GUCY1A2: variants seen among roughly 807,000 people sequenced by gnomAD.
The protein encoded by GUCY1A2 is guanylate cyclase soluble subunit alpha-2.
In GUCY1A2, 27 loss-of-function variants were observed where a neutral mutation model predicts 63.5. The ratio of observed to expected loss-of-function variants is 0.43; its 90% CI spans 0.31 to 0.59. The LOEUF is 0.59. GUCY1A2 is among the 20% of genes least tolerant of loss of function. The pLI is 0.11. For missense variants in GUCY1A2, 768 were observed against 913.3 expected, an observed-to-expected ratio of 0.84 and a Z score of 2.05; for synonymous variants, 364 against 343.5, an observed-to-expected ratio of 1.06 and a Z score of -0.66.
chr11:107,017,783 G>T lies in GUCY1A2; in HGVS notation c.273C>A (p.Gly91=). Residue 91 remains glycine (G), a synonymous_variant, in exon 1 of 8, where the codon GGC becomes GGA. Transcript: ENST00000526355. ...GCGCCGTCAGGCGGCTGATGCTCTC[G>T]CCCAGCGAGTCCAGGTTGACCCGCC... ...RRRRVNLDSL[G]ESISRLTAPS... 2 of 1,429,540 alleles carry T rather than the reference G, an allele frequency of 1.4e-6. No homozygotes were observed. The highest frequency in any genetic ancestry group is 2.8e-5 in the East Asian group (1 of 35,694). The allele number at this position is 1,429,540 out of a possible 1,614,324, so 88.6% of individuals were successfully genotyped here.
At chr11:106,758,106 C>T (rs1313515714) in intron 6 of GUCY1A2, among the ~76,000 whole-genome samples, 1 of 152,160 alleles carries the variant, frequency 6.6e-6, no homozygotes, top group Non-Finnish European at 1.5e-5. Context: ...TGGGCTCCAC[C>T]CAGTTCGAGC....
Position 106,678,617 on chromosome 11 carries a change from CAG to C in GUCY1A2, c.*8930_*8931del, listed in dbSNP as rs1030460748. 9.0e-5 allele frequency: 19 copies of C among 210,468 alleles called. No homozygotes were observed. The highest frequency in any genetic ancestry group is 3.2e-4 in the African/African-American group (14 of 44,076). The allele number at this position is 210,468 out of a possible 1,614,324, so 13.0% of individuals were successfully genotyped here. On this transcript the variant is annotated 3_prime_UTR_variant, in exon 8 of 8. Transcript: ENST00000526355. ...TGGAAATGCATAGTTTCTTACTAGT[CAG>C]AGAGTCAGAGGTGATGTAACAATAT...
chr11:106,858,659 G>A (rs1859469317), intron 4 of GUCY1A2, among the ~76,000 whole-genome samples: 1 of 152,026 alleles, frequency 6.6e-6, no homozygotes, highest in African/African-American at 2.4e-5. Flanking sequence ...TGACTTATAA[G>A]GCAGATAAAA....
intron 6 of GUCY1A2, among the ~76,000 whole-genome samples, chr11:106,773,958 C>T (rs1565285349): frequency 6.6e-6 from 1 of 152,000 alleles, no homozygotes; most frequent in African/African-American, 2.4e-5. Context: ...TTTCTAATGA[C>T]AAATTTATAG....
chr11:106,743,628 TA>T (rs1211594823), intron 6 of GUCY1A2, among the ~76,000 whole-genome samples: 5 of 152,214 alleles, frequency 3.3e-5, no homozygotes, highest in Admixed American at 6.5e-5. Flanking sequence ...TTACCTTTCA[TA>T]TGCTATCCAT....
intron 4 of GUCY1A2, among the ~76,000 whole-genome samples, chr11:106,934,019 A>G (rs1219161187): frequency 6.6e-6 from 1 of 152,210 alleles, no homozygotes; most frequent in Admixed American, 6.5e-5. Flanking sequence ...TGAGGGGATC[A>G]GTCAAAGCCC....
At chr11:106,821,620 C>CT (rs1157825973) in intron 4 of GUCY1A2, among the ~76,000 whole-genome samples, 4 of 152,074 alleles carry the variant, frequency 2.6e-5, no homozygotes, top group Admixed American at 2.6e-4. Flanking sequence ...AAATTCTACA[C>CT]TTTTTTCAAG....
chr11:106,860,986 G>T (rs904486834), intron 4 of GUCY1A2, among the ~76,000 whole-genome samples: 1 of 151,992 alleles, frequency 6.6e-6, no homozygotes, highest in African/African-American at 2.4e-5. Flanking sequence ...AGAAGGAGGA[G>T]GAGGAGGAGG....
At chr11:106,846,978 C>T (rs1374287062) in intron 4 of GUCY1A2, among the ~76,000 whole-genome samples, 1 of 151,152 alleles carries the variant, frequency 6.6e-6, no homozygotes, top group African/African-American at 2.4e-5. Flanking sequence ...TCAAATGTCC[C>T]TAACAAGAGG....
chr11:106,856,330 G>A (rs57349600), intron 4 of GUCY1A2, among the ~76,000 whole-genome samples: 4 of 151,718 alleles, frequency 2.6e-5, no homozygotes, highest in Admixed American at 6.6e-5. Context: ...AAATTATTCC[G>A]TCTTCACATG....
intron 2 of GUCY1A2, among the ~76,000 whole-genome samples, chr11:106,983,523 T>A (rs958737023): frequency 6.6e-6 from 1 of 152,056 alleles, no homozygotes; most frequent in Non-Finnish European, 1.5e-5. Flanking sequence ...GCAACCAGTA[T>A]AAGAATCCAA....
At chr11:106,884,128 G>A (rs188019939) in intron 4 of GUCY1A2, among the ~76,000 whole-genome samples, 6 of 151,994 alleles carry the variant, frequency 3.9e-5, no homozygotes, top group African/African-American at 1.4e-4. Flanking sequence ...ACATGTATAC[G>A]TATGTAACAG....
chr11:106,830,639 G>A (rs1202129765), intron 4 of GUCY1A2, among the ~76,000 whole-genome samples: 1 of 152,224 alleles, frequency 6.6e-6, no homozygotes. Flanking sequence ...CAGACTCCAA[G>A]TTCTTCAGCT....
rs1311379652 is a variant in GUCY1A2 at position 106,685,281 on chromosome 11, A to G, written c.*2268T>C. The G allele has an allele frequency of 4.9e-6, 1 of 205,636 alleles. No individual in the cohort carries two copies. Among genetic ancestry groups the G allele is most frequent in the Non-Finnish European group, 9.9e-6 (1 of 100,574 alleles). The allele number at this position is 205,636 out of a possible 1,614,324, so 12.7% of individuals were successfully genotyped here. A position where few individuals can be genotyped will look rare whatever the true frequency, so the allele number is the denominator to read the frequency against. The stretch of plus-strand genomic sequence containing the variant: ...ATACAGAATTTGTGATTCTTCTGAT[A>G]AATTGAGATATATAAATACAATACT... On this transcript the variant is annotated 3_prime_UTR_variant, in exon 8 of 8. Coordinates refer to ENST00000526355, the MANE Select transcript of GUCY1A2 (RefSeq NM_000855.3).
At chr11:106,955,629 A>G (rs750782112) in intron 3 of GUCY1A2, among the ~76,000 whole-genome samples, 9 of 152,110 alleles carry the variant, frequency 5.9e-5, no homozygotes, top group Non-Finnish European at 1.0e-4. Flanking sequence ...TTGGCCCCCA[A>G]TCTTTTCTGG....
intron 5 of GUCY1A2, among the ~76,000 whole-genome samples, chr11:106,803,248 ATT>A (rs1377740021): frequency 2.6e-5 from 4 of 152,180 alleles, no homozygotes; most frequent in African/African-American, 9.6e-5. Flanking sequence ...TTTCAGAAAT[ATT>A]GTCATCTTTA....
chr11:106,995,892 G>A (rs1264927410), intron 1 of GUCY1A2, among the ~76,000 whole-genome samples: 1 of 152,200 alleles, frequency 6.6e-6, no homozygotes, highest in Non-Finnish European at 1.5e-5. Flanking sequence ...TAGTCTTTCA[G>A]ACACCTTTGT....
intron 6 of GUCY1A2, among the ~76,000 whole-genome samples, chr11:106,746,363 T>A (rs1863787373): frequency 6.6e-6 from 1 of 152,080 alleles, no homozygotes; most frequent in Non-Finnish European, 1.5e-5. Context: ...AAATTAACAT[T>A]TACATATGCT....
chr11:106,724,584 C>A (rs1365269006), intron 6 of GUCY1A2, among the ~76,000 whole-genome samples: 1 of 152,130 alleles, frequency 6.6e-6, no homozygotes, highest in East Asian at 1.9e-4. Context: ...TTTTTCAAAT[C>A]CTGAGAAGTT....
Sources: allele counts gnomAD v4.1 joint callset (sites outside exome capture counted in the v4.1 genomes callset), GRCh38; gene constraint gnomAD v4.1.1; transcripts MANE v1.5; gene names NCBI Gene and HGNC (gene_info 2026-07-23, HGNC 2026-07-21).